The following FLT1 variants were observed in gnomAD, a reference collection of about 807,000 sequenced individuals.
The protein encoded by FLT1 is vascular endothelial growth factor receptor 1.
A neutral mutation model predicts 156.3 loss-of-function variants in FLT1; 49 were observed. That is an observed-to-expected ratio of 0.31 (90% CI 0.25 to 0.40). The LOEUF (loss-of-function observed/expected upper bound fraction) is 0.40. Among genes scored for constraint, FLT1 ranks in the 10% least tolerant of loss-of-function variants. The probability of loss-of-function intolerance (pLI) is 1.00; values close to 1 mark genes in which losing one functional copy is unlikely to be tolerated. For missense variants in FLT1, 1,322 were observed against 1,637.2 expected (o/e 0.81, Z 3.32); for synonymous variants, 594 against 583.8 (o/e 1.02, Z -0.25).
chr13:28,435,399 A>C (rs1204312666), intron 4 of FLT1, among the ~76,000 whole-genome samples: 2 of 152,192 alleles, frequency 1.3e-5, no homozygotes, highest in Non-Finnish European at 2.9e-5. Flanking sequence ...ATTGCTCCAT[A>C]AAGTGGCCCA....
At chr13:28,423,187 C>T (rs1877117648) in intron 10 of FLT1, among the ~76,000 whole-genome samples, 1 of 152,116 alleles carries the variant, frequency 6.6e-6, no homozygotes, top group African/African-American at 2.4e-5. Flanking sequence ...AGTCAGCCCA[C>T]CCCAGCCTCA....
Position 28,300,525 on chromosome 13 carries a change from A to ACACC in FLT1, c.*2641_*2642insGGTG, listed in dbSNP as rs1050346284. 855 of 21,352 alleles carry ACACC rather than the reference A, an allele frequency of 0.04. 5 individuals are homozygous for ACACC. Among genetic ancestry groups the ACACC allele is most frequent in the Middle Eastern group, 0.23 (6 of 26 alleles). 1.3% of individuals were successfully genotyped at this position (21,352 alleles called of 1,614,324 possible). A position where few individuals can be genotyped will look rare whatever the true frequency, so the allele number is the denominator to read the frequency against. On this transcript the variant is annotated 3_prime_UTR_variant, in exon 30 of 30. Coordinates refer to ENST00000282397, the MANE Select transcript of FLT1 (RefSeq NM_002019.4). Reference sequence around the variant, plus strand: ...ATGCACAAAACACACATACACCCACACACACACACACACACACACACACAC... The same window carrying ACACC: ...ATGCACAAAACACACATACACCCACACACCCACACACACACACACACACACACAC...
intron 3 of FLT1, among the ~76,000 whole-genome samples, chr13:28,451,662 G>A (rs1878947348): frequency 6.6e-6 from 1 of 151,940 alleles, no homozygotes; most frequent in African/African-American, 2.4e-5. Flanking sequence ...GCAGTTGAGG[G>A]GAGGCAGGAG....
rs554055594 is a variant in FLT1, at chr13:28,475,047, C to A, written c.65-7430G>T. ...AACTTTAGAAGGCTGATTTTAGAGACCTAATTTTCCCTTAATGTTCTGTAA... is the reference window on the plus strand; with the variant it reads ...AACTTTAGAAGGCTGATTTTAGAGAACTAATTTTCCCTTAATGTTCTGTAA... On this transcript the variant is annotated intron_variant, in intron 1 of 29. Coordinates refer to ENST00000282397, the MANE Select transcript of FLT1 (RefSeq NM_002019.4). 2.0e-5 allele frequency among the ~76,000 whole-genome samples: 3 copies of A among 152,286 alleles called. No individual in the cohort carries two copies. In the East Asian group the frequency reaches 5.8e-4, roughly 29 times the overall value.
intron 14 of FLT1, among the ~76,000 whole-genome samples, chr13:28,360,967 T>G (rs919174194): frequency 6.6e-6 from 1 of 152,060 alleles, no homozygotes; most frequent in African/African-American, 2.4e-5. Flanking sequence ...TATATAATTA[T>G]TATTATTTGC....
intron 1 of FLT1, among the ~76,000 whole-genome samples, chr13:28,490,847 T>C (rs563739545): frequency 9.2e-5 from 14 of 152,230 alleles, no homozygotes; most frequent in Non-Finnish European, 1.9e-4. Context: ...ATTTACTTGA[T>C]ACCCAACACA....
At chr13:28,455,587 C>T (rs1036137341) in intron 3 of FLT1, among the ~76,000 whole-genome samples, 16 of 152,172 alleles carry the variant, frequency 1.1e-4, no homozygotes, top group Admixed American at 6.5e-5. Flanking sequence ...ATGACAATGA[C>T]TTTTTAGATG....
intron 23 of FLT1, 92 bp downstream of exon 23, chr13:28,321,371 G>T: frequency 6.9e-7 from 1 of 1,448,238 alleles, no homozygotes; most frequent in Non-Finnish European, 9.6e-7. Flanking sequence ...GGTTTTCAGG[G>T]ACTACAGCTG....
At chr13:28,446,678 T>A (rs566424494) in intron 3 of FLT1, among the ~76,000 whole-genome samples, 2 of 152,232 alleles carry the variant, frequency 1.3e-5, no homozygotes, top group Non-Finnish European at 2.9e-5. Context: ...AAACATCTCA[T>A]GTTCATGGAT....
Position 28,427,801 on chromosome 13 carries a change from T to A in FLT1, c.1227A>T (p.Ile409=), listed in dbSNP as rs1347788839. The A allele has an allele frequency of 1.9e-6, 3 of 1,614,046 alleles. No individual in the cohort carries two copies. The highest frequency in any genetic ancestry group is 1.7e-6 in the Non-Finnish European group (2 of 1,179,912). ...GGTTTTTAAACACATTTGACTGTTTTATGCTCAGCAAGATTGTATAATTCC... is the reference window on the plus strand; with the variant it reads ...GGTTTTTAAACACATTTGACTGTTTAATGCTCAGCAAGATTGTATAATTCC... ...DAGNYTILLS[I]KQSNVFKNLT... Residue 409 remains isoleucine, a synonymous_variant, in exon 9 of 30, where the codon ATA becomes ATT. Transcript: ENST00000282397.
At chr13:28,489,919 G>A (rs763795140) in intron 1 of FLT1, among the ~76,000 whole-genome samples, 6 of 152,154 alleles carry the variant, frequency 3.9e-5, no homozygotes, top group Non-Finnish European at 7.3e-5. Flanking sequence ...CCTTATGTGC[G>A]TTAAGAAAAT....
At chr13:28,319,344 G>A (rs1458464520) in intron 24 of FLT1, 79 bp downstream of exon 24, 18 of 956,288 alleles carry the variant, frequency 1.9e-5, no homozygotes, top group Non-Finnish European at 8.3e-6. Context: ...TCTAAAGGCT[G>A]TCTAACCAAA....
chr13:28,348,664 CT>C (rs1225069379), intron 15 of FLT1, among the ~76,000 whole-genome samples: 1 of 152,172 alleles, frequency 6.6e-6, no homozygotes, highest in African/African-American at 2.4e-5. Flanking sequence ...AATCCCAGCA[CT>C]TTGGGAGCCC....
chr13:28,370,506 C>G (rs995740545), intron 14 of FLT1, among the ~76,000 whole-genome samples: 7 of 152,076 alleles, frequency 4.6e-5, no homozygotes, highest in African/African-American at 1.4e-4. Context: ...TTTCTAAAAG[C>G]CTTGAAGAGG....
Position 28,301,897 on chromosome 13 carries a change from AC to A in FLT1, c.*1269del, listed in dbSNP as rs1870530093. ...AAATACCTTGCATAAATTACATACC[AC>A]CTTTTTACTCAAGGAGCTTAAAGTG... On this transcript the variant is annotated 3_prime_UTR_variant, in exon 30 of 30. Coordinates refer to ENST00000282397, the MANE Select transcript of FLT1 (RefSeq NM_002019.4). The A allele has an allele frequency of 1.3e-5, 3 of 233,356 alleles. No homozygotes were observed. Among genetic ancestry groups the A allele is most frequent in the Non-Finnish European group, 2.5e-5 (3 of 117,960 alleles). 14.5% of individuals were successfully genotyped at this position (233,356 alleles called of 1,614,324 possible).
chr13:28,479,688 C>T (rs1013586564), intron 1 of FLT1, among the ~76,000 whole-genome samples: 2 of 152,184 alleles, frequency 1.3e-5, no homozygotes, highest in Non-Finnish European at 2.9e-5. Context: ...GATATTAAGG[C>T]CTTCCTTACA....
At position 28,339,651 on chromosome 13, in the gene FLT1, A is replaced by T. The variant is rs181761437; in HGVS notation, c.2356-351T>A. On this transcript the variant is annotated intron_variant, in intron 16 of 29. Transcript: ENST00000282397. ...AAGCATTTTTATAAAGTCATTCCAA[A>T]CAATGACTAAAAATAACTTCCCATG... Among the ~76,000 whole-genome samples the T allele has an allele frequency of 8.6e-4, 131 of 152,326 alleles. 1 individual carries two copies. Among genetic ancestry groups the T allele is most frequent in the African/African-American group, 3.1e-3 (127 of 41,560 alleles).
At chr13:28,412,381 TTTC>T (rs1876322534) in intron 10 of FLT1, among the ~76,000 whole-genome samples, 13 of 88,288 alleles carry the variant, frequency 1.5e-4, no homozygotes, top group African/African-American at 2.6e-4. Flanking sequence ...TCTTTCTTTC[TTTC>T]TTTCTTTCTT....
chr13:28,442,701 TACAC>T lies in FLT1; in HGVS notation c.389-4360_389-4357del, dbSNP rs111263665. ...TTGCAAATGAGCATATGACTGTAGA[TACAC>T]ACACACACACACACACACACACACA... is the stretch of plus-strand genomic sequence containing the variant. On this transcript the variant is annotated intron_variant, in intron 3 of 29. Coordinates refer to ENST00000282397, the MANE Select transcript of FLT1 (RefSeq NM_002019.4). Among the ~76,000 whole-genome samples, 383 of 146,976 alleles carry T rather than the reference TACAC, an allele frequency of 2.6e-3. 5 individuals carry two copies. Among genetic ancestry groups the T allele is most frequent in the Middle Eastern group, 0.01 (3 of 288 alleles).
Sources: gnomAD v4.1 joint callset for allele counts (sites outside exome capture counted in the v4.1 genomes callset) on GRCh38, gnomAD v4.1.1 for gene constraint, MANE v1.5 for transcripts, NCBI Gene and HGNC (gene_info 2026-07-23, HGNC 2026-07-21) for gene names.